The following KYNU variants were observed in gnomAD, a reference collection of about 807,000 sequenced individuals.
KYNU encodes L-kynurenine hydrolase.
In KYNU, 54 loss-of-function variants were observed where a neutral mutation model predicts 59.2. That is an observed-to-expected ratio of 0.91 (90% confidence interval 0.73 to 1.14). KYNU has a LOEUF of 1.14. KYNU is among the 50% of genes most tolerant of loss of function. KYNU has a pLI of 0.00. For synonymous variants in KYNU, 177 were observed against 192.0 expected, an observed-to-expected ratio of 0.92 and a Z score of 0.65; for missense variants, 567 against 554.4, an observed-to-expected ratio of 1.02 and a Z score of -0.23.
At chr2:143,016,373 T>C (rs550493686) in intron 10 of KYNU, among the ~76,000 whole-genome samples, 4 of 152,246 alleles carry the variant, frequency 2.6e-5, no homozygotes, top group African/African-American at 4.8e-5. Context: ...TCTAATAGGA[T>C]TATAAAATTC....
intron 7 of KYNU, among the ~76,000 whole-genome samples, chr2:142,958,257 A>G (rs1684231660): frequency 6.6e-6 from 1 of 152,166 alleles, no homozygotes; most frequent in Non-Finnish European, 1.5e-5. Context: ...TTTACTGGGT[A>G]TGTGACTTTG....
rs1233105822 is a variant in KYNU at position 142,955,173 on chromosome 2, G to A, written c.435+302G>A. Among the ~76,000 whole-genome samples the A allele has an allele frequency of 9.9e-5, 15 of 151,964 alleles. 1 individual carries two copies. The highest frequency in any genetic ancestry group is 9.8e-4 in the Admixed American group (15 of 15,252). Reference sequence around the variant, plus strand: ...AGCCTACAAAACAGTGATGTACAATGCTAGCAAAGCACTGACCTTTTTGGA... The same window carrying A: ...AGCCTACAAAACAGTGATGTACAATACTAGCAAAGCACTGACCTTTTTGGA... On this transcript the variant is annotated intron_variant, in intron 5 of 13. Transcript: ENST00000264170.
chr2:143,029,361 G>C (rs974252843), intron 10 of KYNU, among the ~76,000 whole-genome samples: 2 of 152,126 alleles, frequency 1.3e-5, no homozygotes, highest in Admixed American at 1.3e-4. Flanking sequence ...CAAGGCTGAT[G>C]AATCACTTGA....
intron 2 of KYNU, among the ~76,000 whole-genome samples, chr2:142,913,032 G>C (rs1035430026): frequency 2.0e-5 from 3 of 152,060 alleles, no homozygotes; most frequent in Non-Finnish European, 2.9e-5. Context: ...ATTTCTGCAG[G>C]ATTAGTTGTA....
At chr2:142,896,273 T>G (rs1409112691) in intron 2 of KYNU, among the ~76,000 whole-genome samples, 2 of 152,232 alleles carry the variant, frequency 1.3e-5, no homozygotes, top group African/African-American at 4.8e-5. Flanking sequence ...GAATGTCTGT[T>G]GTTCCCCATA....
In KYNU at chr2:142,994,966, A is replaced by C. The variant is rs527398325; in HGVS notation, c.902+8945A>C. 5.3e-5 allele frequency among the ~76,000 whole-genome samples: 8 copies of C among 152,242 alleles called. No homozygotes were observed. In the East Asian group the frequency reaches 1.5e-3, roughly 29 times the overall value. ...AAATATATCCATGAAAACTAGCTAC[A>C]GACAACTTTAAAATCCTTCATGAAT... On this transcript the variant is annotated intron_variant, in intron 10 of 13. Transcript: ENST00000264170.
In KYNU at chr2:143,040,627, T is replaced by G. The variant is rs775055128; in HGVS notation, c.1241T>G (p.Val414Gly). 6.2e-7 allele frequency: 1 copy of G among 1,607,240 alleles called. No individual in the cohort carries two copies. The highest frequency in any genetic ancestry group is 8.5e-7 in the Non-Finnish European group (1 of 1,176,220). Residue 414 changes from valine to glycine, a missense_variant, in exon 13 of 14, where the codon GTT becomes GGT. Coordinates refer to ENST00000264170, the MANE Select transcript of KYNU (RefSeq NM_003937.3). The stretch of plus-strand genomic sequence containing the variant: ...ACATTTTCTGTTCCAAACAAAGATG[T>G]TTTCCAAGAACTAGAAAAAAGAGGA... Reference protein sequence around the residue: ...TITFSVPNKDVFQELEKRGVV... With the variant: ...TITFSVPNKDGFQELEKRGVV...
chr2:142,888,626 GA>G (rs1256322554), intron 2 of KYNU, among the ~76,000 whole-genome samples: 1 of 151,904 alleles, frequency 6.6e-6, no homozygotes, highest in African/African-American at 2.4e-5. Flanking sequence ...CAGAATTACT[GA>G]ATCAGATTGT....
At chr2:142,902,454 A>G (rs1682133638) in intron 2 of KYNU, among the ~76,000 whole-genome samples, 1 of 152,190 alleles carries the variant, frequency 6.6e-6, no homozygotes, top group Admixed American at 6.5e-5. Context: ...ATTAGTGTAT[A>G]TAATGGCCTG....
Position 143,042,342 on chromosome 2 carries a change from T to C in KYNU, c.*170T>C. 1.5e-6 allele frequency: 1 copy of C among 676,682 alleles called. No individual in the cohort carries two copies. Among genetic ancestry groups the C allele is most frequent in the Non-Finnish European group, 2.4e-6 (1 of 415,616 alleles). The allele number at this position is 676,682 out of a possible 1,614,324, so 41.9% of individuals were successfully genotyped here. A position where few individuals can be genotyped will look rare whatever the true frequency, so the allele number is the denominator to read the frequency against. ...TATAATTTTTCAGAGTCTGTGGCAC[T>C]AAGGAGTCCACAGGGCTGCCTAGGT... On this transcript the variant is annotated 3_prime_UTR_variant, in exon 14 of 14. Transcript: ENST00000264170.
intron 2 of KYNU, among the ~76,000 whole-genome samples, chr2:142,910,962 G>T (rs1175958865): frequency 6.6e-6 from 1 of 152,100 alleles, no homozygotes; most frequent in East Asian, 1.9e-4. Flanking sequence ...ATGGTGTTTT[G>T]GTTATTGTAG....
At chr2:142,946,445 T>A (rs1005190625) in intron 4 of KYNU, among the ~76,000 whole-genome samples, 1 of 152,192 alleles carries the variant, frequency 6.6e-6, no homozygotes, top group African/African-American at 2.4e-5. Flanking sequence ...AGAATGGATA[T>A]TGTGTTAGCA....
At chr2:143,024,331 C>G (rs1265299421) in intron 10 of KYNU, among the ~76,000 whole-genome samples, 1 of 151,964 alleles carries the variant, frequency 6.6e-6, no homozygotes, top group Admixed American at 6.5e-5. Flanking sequence ...TTTGTTCAGT[C>G]TCAGTCCTAT....
At chr2:142,922,436 TG>T (rs1181440380) in intron 3 of KYNU, among the ~76,000 whole-genome samples, 1 of 152,068 alleles carries the variant, frequency 6.6e-6, no homozygotes, top group Non-Finnish European at 1.5e-5. Flanking sequence ...GCCTGGAATG[TG>T]GGGGTTTGCA....
At chr2:142,989,028 G>T in intron 10 of KYNU, 1 of 702,936 alleles carries the variant, frequency 1.4e-6, no homozygotes, top group Non-Finnish European at 2.5e-6. Context: ...CCACCTGTGA[G>T]AAGAGTGATA....
chr2:142,969,807 T>A (rs1334937147), intron 8 of KYNU, among the ~76,000 whole-genome samples: 1 of 152,152 alleles, frequency 6.6e-6, no homozygotes, highest in Non-Finnish European at 1.5e-5. Context: ...ACCTAGGGCC[T>A]CCCGAAGGAA....
chr2:143,041,220 A>G (rs1187384994), intron 13 of KYNU, among the ~76,000 whole-genome samples: 1 of 152,046 alleles, frequency 6.6e-6, no homozygotes, highest in Non-Finnish European at 1.5e-5. Flanking sequence ...ATAAATGTGA[A>G]CTGAGTAATT....
chr2:143,044,457 A>T lies in KYNU; in HGVS notation c.*2285A>T, dbSNP rs1305920825. The T allele has an allele frequency of 6.6e-6, 1 of 152,204 alleles. No individual in the cohort carries two copies. Among genetic ancestry groups the T allele is most frequent in the Non-Finnish European group, 1.5e-5 (1 of 68,034 alleles). The allele number at this position is 152,204 out of a possible 1,614,324, so 9.4% of individuals were successfully genotyped here. A position where few individuals can be genotyped will look rare whatever the true frequency, so the allele number is the denominator to read the frequency against. ...TAATTTATACTCCCACCAACAGTGT[A>T]AAAGCATTCCTATTTCTCCACATCC... On this transcript the variant is annotated 3_prime_UTR_variant, in exon 14 of 14. Coordinates refer to ENST00000264170, the MANE Select transcript of KYNU (RefSeq NM_003937.3).
chr2:142,969,006 A>G (rs1344393338), intron 8 of KYNU, among the ~76,000 whole-genome samples: 1 of 151,954 alleles, frequency 6.6e-6, no homozygotes, highest in Non-Finnish European at 1.5e-5. Context: ...CATGCACACA[A>G]TTTTTTTTAT....
Sources: allele counts gnomAD v4.1 joint callset (sites outside exome capture counted in the v4.1 genomes callset), GRCh38; gene constraint gnomAD v4.1.1; transcripts MANE v1.5; gene names NCBI Gene and HGNC (gene_info 2026-07-23, HGNC 2026-07-21).